The following CTNNA3 variants were observed in gnomAD, a reference collection of about 807,000 sequenced individuals.
CTNNA3 encodes the protein catenin alpha 3.
CTNNA3 carries 76 observed loss-of-function variants against 95.7 expected under a neutral mutation model. The observed-to-expected ratio is 0.79, with a 90% CI of 0.66 to 0.96. The LOEUF (loss-of-function observed/expected upper bound fraction) is 0.96, where lower values mean the gene tolerates loss of function less well. Among genes scored for constraint, CTNNA3 ranks in the 40% least tolerant of loss-of-function variants. The pLI is 0.00. For synonymous variants in CTNNA3, 431 were observed against 374.4 expected (o/e 1.15, Z -1.74); for missense variants, 1,191 against 1,089.8 (o/e 1.09, Z -1.31).
chr10:66,109,237 G>A (rs1054992277), intron 13 of CTNNA3, among the ~76,000 whole-genome samples: 4 of 152,166 alleles, frequency 2.6e-5, no homozygotes, highest in Non-Finnish European at 4.4e-5. Flanking sequence ...CAACCAGTGT[G>A]GGTAAATGAC....
intron 7 of CTNNA3, among the ~76,000 whole-genome samples, chr10:67,116,742 AT>A (rs1306401498): frequency 4.1e-5 from 6 of 146,646 alleles, no homozygotes; most frequent in South Asian, 2.1e-4. Context: ...ATATATATAT[AT>A]AATATATAAA....
intron 15 of CTNNA3, among the ~76,000 whole-genome samples, chr10:66,022,693 A>T (rs2079246044): frequency 6.6e-6 from 1 of 152,230 alleles, no homozygotes; most frequent in Non-Finnish European, 1.5e-5. Flanking sequence ...ATTGCTTACC[A>T]TCTGGGTTCC....
At chr10:65,941,483 C>T (rs562567459) in intron 17 of CTNNA3, among the ~76,000 whole-genome samples, 1 of 152,082 alleles carries the variant, frequency 6.6e-6, no homozygotes, top group Non-Finnish European at 1.5e-5. Flanking sequence ...TTTAAGCTAC[C>T]CACGTGATTC....
chr10:66,435,871 A>G (rs1212716309), intron 11 of CTNNA3, among the ~76,000 whole-genome samples: 4 of 152,140 alleles, frequency 2.6e-5, no homozygotes, highest in Non-Finnish European at 2.9e-5. Context: ...AGATTCTGGT[A>G]TGTTGTGTCT....
chr10:67,523,898 C>G (rs1007670491), intron 4 of CTNNA3, among the ~76,000 whole-genome samples: 6 of 152,142 alleles, frequency 3.9e-5, no homozygotes, highest in Non-Finnish European at 8.8e-5. Flanking sequence ...ATCTAAGATT[C>G]TAAAAAATTT....
intron 9 of CTNNA3, among the ~76,000 whole-genome samples, chr10:66,689,247 T>A (rs1393650363): frequency 2.0e-5 from 3 of 151,992 alleles, no homozygotes; most frequent in African/African-American, 2.4e-5. Context: ...GGTATAAAAA[T>A]TTTTTTTGAA....
At chr10:67,145,266 G>A (rs934953419) in intron 7 of CTNNA3, among the ~76,000 whole-genome samples, 2 of 152,012 alleles carry the variant, frequency 1.3e-5, no homozygotes, top group Non-Finnish European at 2.9e-5. Flanking sequence ...TTGCCAAAGC[G>A]TAACACAGAA....
At chr10:66,333,743 G>A (rs2092360453) in intron 12 of CTNNA3, among the ~76,000 whole-genome samples, 1 of 151,418 alleles carries the variant, frequency 6.6e-6, no homozygotes, top group Admixed American at 6.6e-5. Context: ...TGTCTATTAG[G>A]TCTGCTTGGT....
rs7074732 is a variant in CTNNA3, at chr10:66,179,312, T to C, written c.1885-76063A>G. ...AAAAAAAGTCAATCCAAAAAGGCTA[T>C]ATACTGTATGAAAAATTGTAGAGAG... On this transcript the variant is annotated intron_variant, in intron 13 of 17. Transcript: ENST00000433211. Among the ~76,000 whole-genome samples, 1,002 of 152,144 alleles carry C rather than the reference T, an allele frequency of 6.6e-3. 21 individuals are homozygous for C. Among genetic ancestry groups the C allele is most frequent in the African/African-American group, 0.022 (934 of 41,534 alleles).
At chr10:66,433,838 T>C (rs1217418528) in intron 11 of CTNNA3, among the ~76,000 whole-genome samples, 2 of 152,202 alleles carry the variant, frequency 1.3e-5, no homozygotes, top group Non-Finnish European at 2.9e-5. Flanking sequence ...AAGGAAGGAA[T>C]CCAGTTTCAG....
At chr10:66,357,258 C>A (rs2132411095) in intron 12 of CTNNA3, among the ~76,000 whole-genome samples, 1 of 152,216 alleles carries the variant, frequency 6.6e-6, no homozygotes, top group East Asian at 1.9e-4. Flanking sequence ...AGCATTTAAA[C>A]TGCCAATTTA....
intron 11 of CTNNA3, among the ~76,000 whole-genome samples, chr10:66,517,738 AC>A (rs1267932925): frequency 6.6e-6 from 1 of 151,846 alleles, no homozygotes; most frequent in Non-Finnish European, 1.5e-5. Flanking sequence ...TTGCAGACTT[AC>A]CCCCAATTTT....
intron 9 of CTNNA3, among the ~76,000 whole-genome samples, chr10:66,678,946 C>A (rs1025111066): frequency 6.6e-6 from 1 of 152,066 alleles, no homozygotes; most frequent in African/African-American, 2.4e-5. Context: ...GAAGGAGGGA[C>A]CACCAGGTCA....
intron 9 of CTNNA3, among the ~76,000 whole-genome samples, chr10:66,666,731 T>C (rs911954686): frequency 1.4e-4 from 22 of 152,056 alleles, no homozygotes; most frequent in African/African-American, 5.3e-4. Context: ...GAATATTCTC[T>C]ATTAAATAAA....
intron 7 of CTNNA3, among the ~76,000 whole-genome samples, chr10:66,830,831 T>C (rs111412689): frequency 1.3e-5 from 2 of 151,878 alleles, no homozygotes; most frequent in South Asian, 2.1e-4. Context: ...GGATGGTCTC[T>C]ATCTCCTGAC....
chr10:66,699,720 G>T (rs938316914), intron 9 of CTNNA3, among the ~76,000 whole-genome samples: 1 of 150,884 alleles, frequency 6.6e-6, no homozygotes. Flanking sequence ...GGAGTGCAAA[G>T]TCATGATCTC....
intron 11 of CTNNA3, among the ~76,000 whole-genome samples, chr10:66,406,021 G>C (rs1001548979): frequency 6.6e-6 from 1 of 151,966 alleles, no homozygotes; most frequent in African/African-American, 2.4e-5. Flanking sequence ...GAAAGAGAGA[G>C]GCAAAAATGG....
chr10:67,395,256 G>T (rs1844669623), intron 5 of CTNNA3, among the ~76,000 whole-genome samples: 1 of 152,124 alleles, frequency 6.6e-6, no homozygotes, highest in Non-Finnish European at 1.5e-5. Flanking sequence ...CAGCAGATGG[G>T]ACATCACTTT....
Position 67,306,166 on chromosome 10 carries a change from A to C in CTNNA3, c.580-86296T>G, listed in dbSNP as rs78730401. Among the ~76,000 whole-genome samples, 930 of 152,302 alleles carry C rather than the reference A, an allele frequency of 6.1e-3. 4 individuals carry two copies. Among genetic ancestry groups the C allele is most frequent in the Middle Eastern group, 0.024 (7 of 294 alleles). On this transcript the variant is annotated intron_variant, in intron 5 of 17. Transcript: ENST00000433211. Reference sequence around the variant, plus strand: ...GGGATAGAAAGAACTGATAGCAAAAAAAAAATTATAGAGCCCAGGGAAAGT... The same window carrying C: ...GGGATAGAAAGAACTGATAGCAAAACAAAAATTATAGAGCCCAGGGAAAGT...
Sources: gnomAD v4.1 joint callset for allele counts (sites outside exome capture counted in the v4.1 genomes callset) on GRCh38, gnomAD v4.1.1 for gene constraint, MANE v1.5 for transcripts, NCBI Gene and HGNC (gene_info 2026-07-23, HGNC 2026-07-21) for gene names.